The following NMNAT2 variants were observed in gnomAD, a reference collection of about 807,000 sequenced individuals.
NMNAT2 encodes nicotinamide nucleotide adenylyltransferase 2.
In NMNAT2, 11 loss-of-function variants were observed where a neutral mutation model predicts 41.6. The ratio of observed to expected loss-of-function variants is 0.26; its 90% CI spans 0.17 to 0.44. The LOEUF is 0.44. NMNAT2 is among the 20% of genes least tolerant of loss of function. NMNAT2 has a pLI of 1.00. For synonymous variants in NMNAT2, 148 were observed against 151.2 expected (o/e 0.98, Z 0.16); for missense variants, 288 against 407.7 (o/e 0.71, Z 2.53).
At chr1:183,321,316 G>A (rs1571596763) in intron 1 of NMNAT2, among the ~76,000 whole-genome samples, 1 of 152,196 alleles carries the variant, frequency 6.6e-6, no homozygotes, top group Admixed American at 6.5e-5. Flanking sequence ...AGGGCTAAGA[G>A]AGAAAGAAAA....
At chr1:183,365,835 C>T (rs528445901) in intron 1 of NMNAT2, among the ~76,000 whole-genome samples, 1 of 152,254 alleles carries the variant, frequency 6.6e-6, no homozygotes, top group South Asian at 2.1e-4. Context: ...CCCTGGGGGA[C>T]ACTTGTCACG....
chr1:183,282,133 C>A (rs1661287041), intron 7 of NMNAT2, among the ~76,000 whole-genome samples: 1 of 152,236 alleles, frequency 6.6e-6, no homozygotes, highest in Non-Finnish European at 1.5e-5. Flanking sequence ...TTCTCGGAAC[C>A]TAAGTGTTCT....
At chr1:183,259,155 T>C (rs1442717428) in intron 10 of NMNAT2, among the ~76,000 whole-genome samples, 1 of 152,134 alleles carries the variant, frequency 6.6e-6, no homozygotes, top group Non-Finnish European at 1.5e-5. Flanking sequence ...CTGAAGCAGA[T>C]TCCTAAGCCC....
chr1:183,376,430 G>A (rs1158001260), intron 1 of NMNAT2, among the ~76,000 whole-genome samples: 1 of 152,170 alleles, frequency 6.6e-6, no homozygotes, highest in Non-Finnish European at 1.5e-5. Flanking sequence ...AGCATCCATT[G>A]ATCTATGATG....
chr1:183,297,404 C>T (rs1166449910), intron 1 of NMNAT2, among the ~76,000 whole-genome samples: 2 of 143,086 alleles, frequency 1.4e-5, no homozygotes, highest in Non-Finnish European at 3.0e-5. Flanking sequence ...TTTTTTGAGA[C>T]GGAGTTTCGC....
chr1:183,257,629 C>G (rs1002415080), intron 10 of NMNAT2, among the ~76,000 whole-genome samples: 4 of 152,110 alleles, frequency 2.6e-5, no homozygotes, highest in African/African-American at 9.7e-5. Flanking sequence ...TTTATCCCTG[C>G]CCTCTAGGTT....
At chr1:183,410,173 A>G (rs1046656113) in intron 1 of NMNAT2, among the ~76,000 whole-genome samples, 40 of 150,944 alleles carry the variant, frequency 2.6e-4, no homozygotes, top group Non-Finnish European at 5.0e-4. Flanking sequence ...AAAAAAAAAA[A>G]ATAGCCGGGC....
At chr1:183,255,911 G>A (rs1320057606) in intron 10 of NMNAT2, among the ~76,000 whole-genome samples, 1 of 151,742 alleles carries the variant, frequency 6.6e-6, no homozygotes, top group African/African-American at 2.4e-5. Context: ...TGATCCACCT[G>A]CCTCCGCCTC....
At chr1:183,305,917 T>G (rs1439801015) in intron 1 of NMNAT2, among the ~76,000 whole-genome samples, 1 of 152,164 alleles carries the variant, frequency 6.6e-6, no homozygotes, top group Admixed American at 6.5e-5. Context: ...AGATGGGGTT[T>G]CACCATGTTG....
intron 7 of NMNAT2, among the ~76,000 whole-genome samples, chr1:183,279,936 G>A (rs1326781951): frequency 1.3e-5 from 2 of 152,218 alleles, no homozygotes; most frequent in East Asian, 3.8e-4. Flanking sequence ...CATACAGTAG[G>A]TGCTCAGGCA....
chr1:183,263,733 G>A (rs1660727452), intron 8 of NMNAT2, among the ~76,000 whole-genome samples: 1 of 152,236 alleles, frequency 6.6e-6, no homozygotes, highest in South Asian at 2.1e-4. Context: ...GTGTGAACCT[G>A]AGGGGCGGAG....
intron 1 of NMNAT2, among the ~76,000 whole-genome samples, chr1:183,347,275 G>A (rs1662951079): frequency 6.6e-6 from 1 of 152,116 alleles, no homozygotes; most frequent in African/African-American, 2.4e-5. Context: ...GCAATATAGT[G>A]AGATGCCATC....
intron 1 of NMNAT2, among the ~76,000 whole-genome samples, chr1:183,392,961 T>C (rs557361711): frequency 2.3e-4 from 35 of 152,330 alleles, no homozygotes; most frequent in African/African-American, 7.9e-4. Context: ...TAGTTGATTG[T>C]CTTTCTGCCT....
intron 1 of NMNAT2, among the ~76,000 whole-genome samples, chr1:183,382,303 C>A (rs1245299176): frequency 1.3e-5 from 2 of 152,216 alleles, no homozygotes; most frequent in African/African-American, 2.4e-5. Context: ...CACCTCCCAC[C>A]AGGCCCTTCC....
chr1:183,348,904 G>A (rs1662988536), intron 1 of NMNAT2, among the ~76,000 whole-genome samples: 1 of 152,210 alleles, frequency 6.6e-6, no homozygotes, highest in South Asian at 2.1e-4. Context: ...TCAAGGTAGT[G>A]TCTCCTCACA....
intron 1 of NMNAT2, among the ~76,000 whole-genome samples, chr1:183,417,951 A>G (rs1464076444): frequency 7.5e-6 from 1 of 132,622 alleles, no homozygotes; most frequent in East Asian, 2.2e-4. Context: ...CCCATCCCCC[A>G]CCTTTGGCCC....
intron 1 of NMNAT2, among the ~76,000 whole-genome samples, chr1:183,353,410 T>C (rs1288440295): frequency 6.6e-6 from 1 of 152,184 alleles, no homozygotes; most frequent in Non-Finnish European, 1.5e-5. Flanking sequence ...CCTTTTGATA[T>C]TTTCTCAAAT....
At chr1:183,382,586 T>C (rs1033849449) in intron 1 of NMNAT2, among the ~76,000 whole-genome samples, 2 of 152,156 alleles carry the variant, frequency 1.3e-5, no homozygotes, top group Admixed American at 6.5e-5. Context: ...ACTTCCAAGA[T>C]ACAATGAGGG....
intron 1 of NMNAT2, among the ~76,000 whole-genome samples, chr1:183,357,325 G>T (rs1663216779): frequency 6.7e-6 from 1 of 149,838 alleles, no homozygotes; most frequent in Non-Finnish European, 1.5e-5. Flanking sequence ...CGCCTCCCGG[G>T]TTCACACCAT....
Sources: allele counts gnomAD v4.1 joint callset (sites outside exome capture counted in the v4.1 genomes callset), GRCh38; gene constraint gnomAD v4.1.1; transcripts MANE v1.5; gene names NCBI Gene and HGNC (gene_info 2026-07-23, HGNC 2026-07-21).